Variants in SLCO1C1 observed in about 807,000 individuals in gnomAD.
The protein encoded by SLCO1C1 is OAT-RP-5.
A neutral mutation model predicts 76.4 loss-of-function variants in SLCO1C1; 70 were observed. That is an observed-to-expected ratio of 0.92 (90% confidence interval 0.76 to 1.12). The LOEUF is 1.12. Ranked by LOEUF, SLCO1C1 falls within the 50% of genes most tolerant of loss-of-function variation. The probability of loss-of-function intolerance (pLI) is 0.00; values close to 1 mark genes in which losing one functional copy is unlikely to be tolerated. For synonymous variants in SLCO1C1, 306 were observed against 286.1 expected (o/e 1.07, Z -0.70); for missense variants, 912 against 823.8 (o/e 1.11, Z -1.31).
intron 4 of SLCO1C1, among the ~76,000 whole-genome samples, chr12:20,710,329 T>C (rs1177623947): frequency 6.8e-6 from 1 of 147,884 alleles, no homozygotes; most frequent in Non-Finnish European, 1.5e-5. Context: ...TGCCTCAGCC[T>C]CCCAAGTAGC....
intron 12 of SLCO1C1, among the ~76,000 whole-genome samples, chr12:20,742,635 G>GC (rs1006531977): frequency 5.3e-5 from 8 of 151,786 alleles, no homozygotes; most frequent in African/African-American, 1.7e-4. Flanking sequence ...TCGGGTTCAC[G>GC]CCATTCCCCT....
intron 13 of SLCO1C1, among the ~76,000 whole-genome samples, chr12:20,748,979 C>G: frequency 6.6e-6 from 1 of 152,246 alleles, no homozygotes. Flanking sequence ...TTTGACACTT[C>G]GAGATTATGT....
intron 12 of SLCO1C1, among the ~76,000 whole-genome samples, chr12:20,740,574 T>C (rs1948755897): frequency 6.6e-6 from 1 of 151,722 alleles, no homozygotes; most frequent in South Asian, 2.1e-4. Context: ...GTTAAAAATG[T>C]TTGCAAACTA....
intron 1 of SLCO1C1, among the ~76,000 whole-genome samples, chr12:20,696,394 G>T (rs1252816460): frequency 2.0e-5 from 3 of 152,082 alleles, no homozygotes; most frequent in Non-Finnish European, 4.4e-5. Flanking sequence ...AGTCCTTGGG[G>T]ACTGATTGCT....
At chr12:20,744,912 T>A (rs1948971379) in intron 13 of SLCO1C1, among the ~76,000 whole-genome samples, 1 of 152,142 alleles carries the variant, frequency 6.6e-6, no homozygotes, top group Non-Finnish European at 1.5e-5. Context: ...TAAACTGTAG[T>A]ACACACACGT....
chr12:20,703,421 A>T (rs10734707), intron 3 of SLCO1C1, among the ~76,000 whole-genome samples: 5,788 of 25,330 alleles, frequency 0.23, 129 homozygotes, highest in Middle Eastern at 0.32. Flanking sequence ...GTTGTTGTTG[A>T]TATTACCTTA....
chr12:20,720,217 C>T (rs1438036808), intron 7 of SLCO1C1, among the ~76,000 whole-genome samples: 2 of 152,094 alleles, frequency 1.3e-5, no homozygotes, highest in Non-Finnish European at 2.9e-5. Context: ...ATATATATTC[C>T]TTTCAAAATA....
intron 4 of SLCO1C1, among the ~76,000 whole-genome samples, chr12:20,710,238 C>T (rs1434883069): frequency 1.4e-4 from 17 of 117,544 alleles, no homozygotes; most frequent in Middle Eastern, 0.014. Context: ...GATGGAGTCT[C>T]GCTCTGTCGC....
chr12:20,721,486 C>T (rs1947668683), intron 7 of SLCO1C1, among the ~76,000 whole-genome samples: 1 of 152,044 alleles, frequency 6.6e-6, no homozygotes, highest in Non-Finnish European at 1.5e-5. Flanking sequence ...AAGGTATGTA[C>T]ATTTTCAGAC....
chr12:20,698,887 G>C (rs1946388731), intron 1 of SLCO1C1, among the ~76,000 whole-genome samples: 1 of 151,994 alleles, frequency 6.6e-6, no homozygotes, highest in Admixed American at 6.6e-5. Context: ...GTCCTGTGAG[G>C]GGCGGTGGGA....
intron 13 of SLCO1C1, among the ~76,000 whole-genome samples, chr12:20,745,880 C>T (rs1258590740): frequency 6.6e-6 from 1 of 151,198 alleles, no homozygotes; most frequent in Non-Finnish European, 1.5e-5. Context: ...GAACTTAAAA[C>T]ATCAATATGA....
intron 9 of SLCO1C1, among the ~76,000 whole-genome samples, chr12:20,728,400 C>G (rs1948125392): frequency 6.6e-6 from 1 of 152,004 alleles, no homozygotes; most frequent in South Asian, 2.1e-4. Flanking sequence ...TCTTTTCCTT[C>G]TCAATACAGA....
chr12:20,732,215 T>C (rs1431718363), intron 9 of SLCO1C1, among the ~76,000 whole-genome samples: 1 of 152,224 alleles, frequency 6.6e-6, no homozygotes, highest in Non-Finnish European at 1.5e-5. Context: ...AGAGGCAACA[T>C]AGCAGTGATT....
intron 12 of SLCO1C1, among the ~76,000 whole-genome samples, chr12:20,742,494 T>A (rs1948864693): frequency 6.6e-6 from 1 of 152,016 alleles, no homozygotes; most frequent in African/African-American, 2.4e-5. Flanking sequence ...TTAATGACAC[T>A]CTTATTATTT....
chr12:20,734,772 TTGAG>T (rs1366544200), intron 10 of SLCO1C1, among the ~76,000 whole-genome samples: 94 of 152,318 alleles, frequency 6.2e-4, no homozygotes, highest in African/African-American at 2.2e-3. Context: ...AACATTTTCA[TTGAG>T]TGAGTACTAG....
intron 13 of SLCO1C1, among the ~76,000 whole-genome samples, chr12:20,750,453 T>G (rs970337898): frequency 2.0e-5 from 3 of 152,090 alleles, no homozygotes; most frequent in Admixed American, 1.3e-4. Context: ...AGTGCCTGAG[T>G]GACATGCTTC....
At position 20,713,230 on chromosome 12, in the gene SLCO1C1, C is replaced by T. The variant is rs532005892; in HGVS notation, c.529+1720C>T. 3.3e-5 allele frequency among the ~76,000 whole-genome samples: 5 copies of T among 151,702 alleles called. No individual in the cohort carries two copies. The South Asian group carries it at 1.0e-3, about 32-fold the overall frequency. On this transcript the variant is annotated intron_variant, in intron 5 of 14. Transcript: ENST00000266509. ...GAGTAGCTGGGACTACAGGCGCCCG[C>T]TACCACGCCCGGCTAATTTTTTGTA... is the stretch of plus-strand genomic sequence containing the variant.
intron 13 of SLCO1C1, among the ~76,000 whole-genome samples, chr12:20,749,530 C>G (rs1482402003): frequency 6.6e-6 from 1 of 152,122 alleles, no homozygotes; most frequent in Non-Finnish European, 1.5e-5. Flanking sequence ...AAACAAAATC[C>G]CAAAGTCTAC....
At chr12:20,736,586 T>C (rs775987951) in intron 10 of SLCO1C1, among the ~76,000 whole-genome samples, 2 of 152,128 alleles carry the variant, frequency 1.3e-5, no homozygotes, top group Non-Finnish European at 2.9e-5. Context: ...CAAGAGGACA[T>C]GTAACTCCTG....
Sources: allele counts gnomAD v4.1 joint callset (sites outside exome capture counted in the v4.1 genomes callset), GRCh38; gene constraint gnomAD v4.1.1; transcripts MANE v1.5; gene names NCBI Gene and HGNC (gene_info 2026-07-23, HGNC 2026-07-21).